ZBTB16: variants seen among roughly 807,000 people sequenced by gnomAD.
ZBTB16 encodes zinc finger and BTB domain containing 16, also known as zinc finger and BTB domain-containing protein 16.
Under a neutral mutation model 56.8 loss-of-function variants are expected in ZBTB16, and 8 were observed. That is an observed-to-expected ratio of 0.14 (90% CI 0.08 to 0.25). The LOEUF (loss-of-function observed/expected upper bound fraction) is 0.25, where lower values mean the gene tolerates loss of function less well. Among genes scored for constraint, ZBTB16 ranks in the 10% least tolerant of loss-of-function variants. The pLI, the probability that ZBTB16 is intolerant of heterozygous loss-of-function variation, is 1.00. For missense variants in ZBTB16, 625 were observed against 903.0 expected, an observed-to-expected ratio of 0.69 and a Z score of 3.95; for synonymous variants, 363 against 368.5, an observed-to-expected ratio of 0.98 and a Z score of 0.17.
chr11:114,179,274 G>A (rs1943189569), intron 3 of ZBTB16, among the ~76,000 whole-genome samples: 1 of 91,908 alleles, frequency 1.1e-5, no homozygotes. Flanking sequence ...GAGCAAGAGA[G>A]AGAGCTAGAG....
At chr11:114,227,997 G>A (rs903253606) in intron 4 of ZBTB16, among the ~76,000 whole-genome samples, 3 of 152,038 alleles carry the variant, frequency 2.0e-5, no homozygotes, top group East Asian at 3.9e-4. Context: ...CAGAAACTCC[G>A]TACCCATTAA....
chr11:114,208,746 A>C (rs914255601), intron 4 of ZBTB16, among the ~76,000 whole-genome samples: 1 of 152,234 alleles, frequency 6.6e-6, no homozygotes, highest in Non-Finnish European at 1.5e-5. Flanking sequence ...ATGCTGTACA[A>C]GAGCAAGTTA....
intron 2 of ZBTB16, among the ~76,000 whole-genome samples, chr11:114,108,980 C>T (rs978560923): frequency 1.3e-5 from 2 of 152,222 alleles, no homozygotes; most frequent in African/African-American, 4.8e-5. Flanking sequence ...CTACCTCCTG[C>T]GTGTGCTTCC....
At chr11:114,164,354 C>A (rs116582951) in intron 3 of ZBTB16, among the ~76,000 whole-genome samples, 1 of 152,298 alleles carries the variant, frequency 6.6e-6, no homozygotes, top group African/African-American at 2.4e-5. Flanking sequence ...TGATTTTGCA[C>A]AGCTAGAGGA....
intron 4 of ZBTB16, chr11:114,188,064 T>C (rs668067): frequency 1.9e-5 from 3 of 154,504 alleles, no homozygotes; most frequent in Admixed American, 1.3e-4. Context: ...TTATATATTA[T>C]AATGTAATAA....
chr11:114,233,116 CACACACACACTCTCT>C (rs1944490728), intron 4 of ZBTB16, among the ~76,000 whole-genome samples: 1 of 41,898 alleles, frequency 2.4e-5, no homozygotes, highest in Non-Finnish European at 6.8e-5. Flanking sequence ...CACACACACA[CACACACACACTCTCT>C]CTCTCTCACA....
intron 2 of ZBTB16, among the ~76,000 whole-genome samples, chr11:114,095,860 A>G (rs771770767): frequency 7.2e-5 from 11 of 152,162 alleles, no homozygotes; most frequent in Non-Finnish European, 2.9e-5. Context: ...TCTTACTCCA[A>G]TAGATTTGAA....
At chr11:114,139,244 G>A (rs1420905300) in intron 2 of ZBTB16, among the ~76,000 whole-genome samples, 2 of 152,240 alleles carry the variant, frequency 1.3e-5, no homozygotes, top group South Asian at 2.1e-4. Context: ...TTTGATTTGC[G>A]GTTTTCCCAT....
intron 3 of ZBTB16, among the ~76,000 whole-genome samples, chr11:114,185,322 T>C (rs188697365): frequency 2.6e-5 from 4 of 152,284 alleles, no homozygotes; most frequent in Admixed American, 6.5e-5. Flanking sequence ...GTCCACAAAC[T>C]GTGGCCTTGA....
chr11:114,177,808 A>AT (rs779543528), intron 3 of ZBTB16, among the ~76,000 whole-genome samples: 23 of 151,922 alleles, frequency 1.5e-4, no homozygotes, highest in Non-Finnish European at 2.8e-4. Context: ...AATATTTGTA[A>AT]TTTTTTTTGG....
chr11:114,233,029 T>A (rs1204687078), intron 4 of ZBTB16, among the ~76,000 whole-genome samples: 1 of 92,116 alleles, frequency 1.1e-5, no homozygotes, highest in Non-Finnish European at 2.7e-5. Flanking sequence ...CCACCCCAAC[T>A]CATCCCCGGC....
rs907798344 is a variant in ZBTB16, at chr11:114,064,464, G to C, written c.1164G>C (p.Leu388=). 5 of 1,614,108 alleles carry C rather than the reference G, an allele frequency of 3.1e-6. No homozygotes were observed. The highest frequency in any genetic ancestry group is 4.2e-6 in the Non-Finnish European group (5 of 1,180,032). The change falls in exon 2 of 7, where the codon CTG becomes CTC. Residue 388 remains leucine (L), a synonymous_variant. Transcript: ENST00000335953. This position sits in a 1 kb window ranked among gnomAD's most constrained non-coding sequence, Gnocchi z 4.2. ...GFIQRELFSK[L]GELAVGMKSE... ...TCCAGAGGGAGCTGTTCAGCAAGCT[G>C]GGGGAGCTGGCTGTGGGCATGAAGT...
rs150004537 is a variant in ZBTB16 at position 114,183,231 on chromosome 11, C to T, written c.1367-3721C>T. ...GGACCTGGCCCAGAGTCACTGAGGA[C>T]AGGGGCTTTCACATGCTCAGCTCAG... On this transcript the variant is annotated intron_variant, in intron 3 of 6. Transcript: ENST00000335953. Among the ~76,000 whole-genome samples, 910 of 152,264 alleles carry T rather than the reference C, an allele frequency of 6.0e-3. 10 individuals are homozygous for T. The highest frequency in any genetic ancestry group is 0.021 in the African/African-American group (861 of 41,540).
chr11:114,126,074 G>C (rs972131611), intron 2 of ZBTB16, among the ~76,000 whole-genome samples: 2 of 152,164 alleles, frequency 1.3e-5, no homozygotes, highest in Non-Finnish European at 2.9e-5. Flanking sequence ...CCTGTTAAAT[G>C]TGTCCTCCTA....
chr11:114,191,206 A>G (rs1470563660), intron 4 of ZBTB16, among the ~76,000 whole-genome samples: 2 of 152,210 alleles, frequency 1.3e-5, no homozygotes, highest in Non-Finnish European at 2.9e-5. Flanking sequence ...ACAGTTCAAC[A>G]TGAGATTTGG....
chr11:114,228,783 C>T (rs1591798517), intron 4 of ZBTB16, among the ~76,000 whole-genome samples: 1 of 152,240 alleles, frequency 6.6e-6, no homozygotes, highest in Admixed American at 6.5e-5. Flanking sequence ...TGCCTTCTGG[C>T]AGCTTCCCCC....
intron 2 of ZBTB16, among the ~76,000 whole-genome samples, chr11:114,097,108 A>G (rs1256738761): frequency 6.6e-6 from 1 of 152,268 alleles, no homozygotes; most frequent in Non-Finnish European, 1.5e-5. Flanking sequence ...GTGGAATATT[A>G]TTCAGCCTTA....
chr11:114,163,202 C>A (rs188554582), intron 3 of ZBTB16, among the ~76,000 whole-genome samples: 2 of 146,002 alleles, frequency 1.4e-5, no homozygotes, highest in African/African-American at 2.5e-5. Context: ...CAGTCCCCCC[C>A]CAACCCCACC....
intron 3 of ZBTB16, chr11:114,181,057 G>T (rs375348441): frequency 1.3e-5 from 2 of 152,362 alleles, no homozygotes; most frequent in South Asian, 2.1e-4. Flanking sequence ...GTGTGCATGT[G>T]TGCGTTCATG....
Sources: allele counts gnomAD v4.1 joint callset (sites outside exome capture counted in the v4.1 genomes callset), GRCh38; gene constraint gnomAD v4.1.1; non-coding constraint Gnocchi (gnomAD v3.1); transcripts MANE v1.5; gene names NCBI Gene and HGNC (gene_info 2026-07-23, HGNC 2026-07-21).